The following ESF1 variants were observed in gnomAD, a reference collection of about 807,000 sequenced individuals.
ESF1 encodes ESF1 homolog.
Under a neutral mutation model 92.0 loss-of-function variants are expected in ESF1, and 58 were observed. That is an observed-to-expected ratio of 0.63 (90% confidence interval 0.51 to 0.78). The LOEUF (loss-of-function observed/expected upper bound fraction) is 0.78, where lower values mean the gene tolerates loss of function less well. Ranked by LOEUF, ESF1 falls within the 30% of genes least tolerant of loss-of-function variation. The probability of loss-of-function intolerance (pLI) is 0.00; values close to 1 mark genes in which losing one functional copy is unlikely to be tolerated. For synonymous variants in ESF1, 321 were observed against 313.7 expected (o/e 1.02, Z -0.24); for missense variants, 922 against 989.1 (o/e 0.93, Z 0.91).
At chr20:13,729,628 C>G (rs1218657711) in intron 10 of ESF1, among the ~76,000 whole-genome samples, 1 of 152,070 alleles carries the variant, frequency 6.6e-6, no homozygotes, top group Non-Finnish European at 1.5e-5. Flanking sequence ...TTAGTTACAA[C>G]AATTTATTTG....
intron 9 of ESF1, among the ~76,000 whole-genome samples, chr20:13,738,656 C>T (rs1201702717): frequency 6.6e-6 from 1 of 152,084 alleles, no homozygotes; most frequent in East Asian, 1.9e-4. Context: ...TATTCTCTAG[C>T]ATTTGTCACA....
intron 6 of ESF1, 44 bp from the exon 7 acceptor site, chr20:13,770,065 G>A (rs999222456): frequency 3.6e-6 from 4 of 1,098,796 alleles, no homozygotes; most frequent in Non-Finnish European, 2.7e-6. Context: ...ACGCTGCAGT[G>A]ATAACCACAG....
intron 1 of ESF1, among the ~76,000 whole-genome samples, 163 bp from the exon 2 acceptor site, chr20:13,783,346 A>C (rs576758758): frequency 4.6e-5 from 7 of 152,234 alleles, no homozygotes; most frequent in Non-Finnish European, 8.8e-5. Context: ...ATTCTGGGTC[A>C]CATGCAAAAA....
Position 13,782,541 on chromosome 20 carries a change from T to G in ESF1, c.600A>C (p.Arg200Ser), listed in dbSNP as rs556457258. 1 of 1,563,654 alleles carries G rather than the reference T, an allele frequency of 6.4e-7. No homozygotes were observed. Among genetic ancestry groups the G allele is most frequent in the South Asian group, 1.2e-5 (1 of 80,198 alleles). Residue 200 changes from arginine to serine, a missense_variant, in exon 2 of 14, where the codon AGA becomes AGC. Arg to Ser is a moderately radical substitution (Grantham distance 110, BLOSUM62 -1). Transcript: ENST00000617257. ...SGTSEIVKSP[R>S]IECSKTRREM... ...CTCTTCTTGTCTTAGAACACTCGAT[T>G]CTGGGAGATTTCACAATTTCAGAGG... is the stretch of plus-strand genomic sequence containing the variant.
At chr20:13,768,887 ACTCTAGTCTC>A (rs1979551767) in intron 7 of ESF1, among the ~76,000 whole-genome samples, 4 of 136,340 alleles carry the variant, frequency 2.9e-5, no homozygotes, top group Non-Finnish European at 6.2e-5. Flanking sequence ...ACAGAGCAAG[ACTCTAGTCTC>A]AAAAAAAAAA....
chr20:13,781,984 C>G (rs1027719552), intron 2 of ESF1, among the ~76,000 whole-genome samples: 6 of 152,220 alleles, frequency 3.9e-5, no homozygotes, highest in African/African-American at 1.4e-4. Flanking sequence ...TCAAGCAATT[C>G]TCCTGCCTCA....
intron 2 of ESF1, among the ~76,000 whole-genome samples, chr20:13,782,233 A>G (rs1240818734): frequency 6.6e-6 from 1 of 152,132 alleles, no homozygotes; most frequent in Non-Finnish European, 1.5e-5. Flanking sequence ...ATAACACTTT[A>G]TCTGGTTAGA....
intron 6 of ESF1, 46 bp downstream of exon 6, chr20:13,771,285 C>T (rs370752845): frequency 1.3e-6 from 2 of 1,513,014 alleles, no homozygotes; most frequent in Non-Finnish European, 1.8e-6. Context: ...TTCTTATAAT[C>T]ATGTTGTACT....
chr20:13,768,030 T>A (rs1979506847), intron 7 of ESF1, among the ~76,000 whole-genome samples: 1 of 152,232 alleles, frequency 6.6e-6, no homozygotes, highest in Non-Finnish European at 1.5e-5. Context: ...TTAGACTGGC[T>A]GGCTGGACAG....
At chr20:13,765,847 CA>C (rs1979404065) in intron 8 of ESF1, among the ~76,000 whole-genome samples, 1 of 152,084 alleles carries the variant, frequency 6.6e-6, no homozygotes, top group African/African-American at 2.4e-5. Context: ...CACAAATAAA[CA>C]AGAGAGAAAT....
At chr20:13,728,078 T>C (rs1239259733) in intron 11 of ESF1, among the ~76,000 whole-genome samples, 1 of 152,218 alleles carries the variant, frequency 6.6e-6, no homozygotes, top group African/African-American at 2.4e-5. Flanking sequence ...CCTCTCATTC[T>C]TTTATAGAGT....
At position 13,784,890 on chromosome 20, in the gene ESF1, C is replaced by T. The variant is rs754184215; in HGVS notation, c.-54G>A. ...TCCATCCCCACTCACCGTCCGCAGT[C>T]CTACCAAGCCTCACGTGGGGCTCAC... On this transcript the variant is annotated 5_prime_UTR_variant, in exon 1 of 14. Coordinates refer to ENST00000617257, the MANE Select transcript of ESF1 (RefSeq NM_001276380.2). The T allele has an allele frequency of 3.2e-6, 2 of 621,796 alleles. No homozygotes were observed. The highest frequency in any genetic ancestry group is 5.6e-6 in the Non-Finnish European group (2 of 354,160). The allele number at this position is 621,796 out of a possible 1,614,324, so 38.5% of individuals were successfully genotyped here. A position where few individuals can be genotyped will look rare whatever the true frequency, so the allele number is the denominator to read the frequency against.
chr20:13,779,885 C>T (rs1980102518), intron 2 of ESF1, among the ~76,000 whole-genome samples: 1 of 152,174 alleles, frequency 6.6e-6, no homozygotes, highest in East Asian at 1.9e-4. Context: ...TCTTTGCACA[C>T]ATCCAATTAT....
At chr20:13,720,030 G>A (rs908524357) in intron 11 of ESF1, among the ~76,000 whole-genome samples, 1 of 152,010 alleles carries the variant, frequency 6.6e-6, no homozygotes, top group Non-Finnish European at 1.5e-5. Flanking sequence ...TTATAACTTT[G>A]GGCTTCCTTG....
chr20:13,748,564 ATGTG>A (rs71188183), intron 9 of ESF1, among the ~76,000 whole-genome samples: 15,257 of 119,102 alleles, frequency 0.13, 1,046 homozygotes, highest in African/African-American at 0.15. Context: ...ATATATATAT[ATGTG>A]TGTGTGTATA....
intron 12 of ESF1, among the ~76,000 whole-genome samples, 181 bp from the exon 13 acceptor site, chr20:13,717,695 C>T (rs1465051812): frequency 1.3e-5 from 2 of 152,068 alleles, no homozygotes; most frequent in East Asian, 1.9e-4. Context: ...CTTTGTATAG[C>T]AATAAGGTAG....
intron 11 of ESF1, among the ~76,000 whole-genome samples, chr20:13,723,633 C>T (rs1166975460): frequency 6.6e-6 from 1 of 151,878 alleles, no homozygotes; most frequent in African/African-American, 2.4e-5. Flanking sequence ...TAATCTGAGC[C>T]AAACGCCAGG....
At chr20:13,755,836 T>C (rs1978867765) in intron 9 of ESF1, among the ~76,000 whole-genome samples, 2 of 152,162 alleles carry the variant, frequency 1.3e-5, no homozygotes, top group East Asian at 1.9e-4. Context: ...TATAACCCAA[T>C]GTAAAAAGGT....
chr20:13,760,894 T>C (rs1304128091), intron 8 of ESF1, among the ~76,000 whole-genome samples: 2 of 152,178 alleles, frequency 1.3e-5, no homozygotes, highest in African/African-American at 4.8e-5. Flanking sequence ...CAACAGCTCA[T>C]TGAGAATGGG....
Sources: allele counts gnomAD v4.1 joint callset (sites outside exome capture counted in the v4.1 genomes callset), GRCh38; gene constraint gnomAD v4.1.1; transcripts MANE v1.5; gene names NCBI Gene and HGNC (gene_info 2026-07-23, HGNC 2026-07-21).